The following MYH3 variants were observed in gnomAD, a reference collection of about 807,000 sequenced individuals.
The protein encoded by MYH3 is myosin heavy chain 3, also known as myosin-3.
MYH3 carries 130 observed loss-of-function variants against 238.0 expected under a neutral mutation model. The observed-to-expected ratio is 0.55, with a 90% CI of 0.47 to 0.63. The LOEUF (loss-of-function observed/expected upper bound fraction) is 0.63. Ranked by LOEUF, MYH3 falls within the 30% of genes least tolerant of loss-of-function variation. The pLI, the probability that MYH3 is intolerant of heterozygous loss-of-function variation, is 0.00. For synonymous variants in MYH3, 880 were observed against 924.1 expected (o/e 0.95, Z 0.86); for missense variants, 1,853 against 2,374.9 (o/e 0.78, Z 4.57).
In MYH3 at chr17:10,632,528, C is replaced by T. The variant is rs774787864; in HGVS notation, c.4904G>A (p.Arg1635His). ...EIEIQLSHANRQAAETLKHLR... is the reference protein window; with the variant it reads ...EIEIQLSHANHQAAETLKHLR... ...GTGTTTGAGGGTCTCCGCCGCCTGG[C>T]GGTTGGCGTGGCTCAGCTGGATCTC... Residue 1635 changes from arginine (R) to histidine (H), a missense_variant, in exon 34 of 41, where the codon CGC (arginine) becomes CAC (histidine). By Grantham distance (29) the Arg-to-His change is conservative (BLOSUM62 0). Transcript: ENST00000583535. 34 of 1,614,118 alleles carry T rather than the reference C, an allele frequency of 2.1e-5. No individual in the cohort carries two copies. The highest frequency in any genetic ancestry group is 2.8e-5 in the Non-Finnish European group (33 of 1,180,040).
At chr17:10,650,956 T>C in intron 5 of MYH3, among the ~76,000 whole-genome samples, 1 of 151,920 alleles carries the variant, frequency 6.6e-6, no homozygotes, top group East Asian at 1.9e-4. Flanking sequence ...TGGGAGGCTG[T>C]GGCAGGCAGA....
chr17:10,628,912 TG>T (rs1280032362), intron 40 of MYH3, among the ~76,000 whole-genome samples: 1 of 152,244 alleles, frequency 6.6e-6, no homozygotes, highest in East Asian at 1.9e-4. Context: ...TACTGTCGGA[TG>T]CTGTGTGTTC....
At chr17:10,667,114 G>C in the MYH3 span, among the ~76,000 whole-genome samples, 3 of 152,192 alleles carry the variant, frequency 2.0e-5, no homozygotes, top group Non-Finnish European at 4.4e-5. Context: ...ACACTTTTCT[G>C]GTGGGTGGAA....
rs2074286005 is a variant in MYH3 at position 10,642,844 on chromosome 17, G to C, written c.1563C>G (p.Cys521Trp). The change falls in exon 15 of 41, where the codon TGC becomes TGG. Residue 521 changes from cysteine (C) to tryptophan (W), a missense_variant. Cys to Trp is a radical substitution (Grantham distance 215). Coordinates refer to ENST00000583535, the MANE Select transcript of MYH3 (RefSeq NM_002470.4). The surrounding 1 kb of genome is among the most constrained non-coding windows in gnomAD (Gnocchi z 5.4). ...TGGATACCTTCTCGATGAGCTCGAT[G>C]CAGGCAGCCAGGTCCATCCCGAAGT... ...FIDFGMDLAA[C>W]IELIEKPMGI... 6.2e-7 allele frequency: 1 copy of C among 1,614,026 alleles called. No homozygotes were observed. Among genetic ancestry groups the C allele is most frequent in the Non-Finnish European group, 8.5e-7 (1 of 1,180,006 alleles).
intron 5 of MYH3, 67 bp downstream of exon 5, chr17:10,651,445 G>A (rs886195664): frequency 1.9e-6 from 3 of 1,610,598 alleles, no homozygotes; most frequent in Middle Eastern, 4.5e-4. Context: ...TGGGAGTAAG[G>A]GGCAACTGCC....
chr17:10,639,524 A>G (rs746689779), intron 23 of MYH3, 36 bp downstream of exon 23: 1 of 1,614,050 alleles, frequency 6.2e-7, no homozygotes, highest in South Asian at 1.1e-5. Flanking sequence ...GTTTGCAATG[A>G]CTATATCAAG....
In MYH3 at chr17:10,654,923, C is replaced by T; in HGVS notation, c.142G>A (p.Ala48Thr). 1 of 1,614,220 alleles carries T rather than the reference C, an allele frequency of 6.2e-7. No homozygotes were observed. The highest frequency in any genetic ancestry group is 1.6e-4 in the Middle Eastern group (1 of 6,062). The change falls in exon 3 of 41, where the codon GCC becomes ACC. Residue 48 changes from alanine (A) to threonine (T), a missense_variant. Ala to Thr is a moderately conservative substitution (Grantham distance 58). Coordinates refer to ENST00000583535, the MANE Select transcript of MYH3 (RefSeq NM_002470.4). The surrounding 1 kb of genome is among the most constrained non-coding windows in gnomAD (Gnocchi z 4.5). ...CFVVDSKEEY[A>T]KGKIKSSQDG... ...TGAGAACTCTTGATTTTCCCCTTGG[C>T]ATATTCTTCCTTTGAGTCCACCACG... is the stretch of plus-strand genomic sequence containing the variant.
intron 34 of MYH3, 76 bp downstream of exon 34, chr17:10,632,400 T>A (rs557070646): frequency 1.3e-6 from 2 of 1,509,012 alleles, no homozygotes; most frequent in South Asian, 2.3e-5. Flanking sequence ...ACTACAGGCG[T>A]GCACCACTGT....
intron 26 of MYH3, 143 bp downstream of exon 26, chr17:10,638,730 G>T: frequency 1.2e-6 from 1 of 843,608 alleles, no homozygotes; most frequent in Non-Finnish European, 1.9e-6. Context: ...GTTCATCATG[G>T]CCAGGCCAGC....
the MYH3 span, chr17:10,673,813 CGCTT>C: frequency 2.0e-5 from 3 of 152,168 alleles, no homozygotes; most frequent in African/African-American, 7.2e-5. Context: ...GATGGAGAAA[CGCTT>C]GGTATACTGT....
chr17:10,638,310 C>A lies in MYH3; in HGVS notation c.3462G>T (p.Ala1154=). The A allele has an allele frequency of 6.2e-7, 1 of 1,613,096 alleles. No homozygotes were observed. Among genetic ancestry groups the A allele is most frequent in the African/African-American group, 1.3e-5 (1 of 75,018 alleles). ...LEELSERLEE[A]GGVTSTQIEL... ...CTATCTGCGTGGAGGTGACGCCTCCCGCCTCCTCCAGCCGCTCGCTCAGCT... is the reference window on the plus strand; with the variant it reads ...CTATCTGCGTGGAGGTGACGCCTCCAGCCTCCTCCAGCCGCTCGCTCAGCT... Residue 1154 remains alanine (A), a synonymous_variant, in exon 27 of 41, where the codon GCG becomes GCT. Coordinates refer to ENST00000583535, the MANE Select transcript of MYH3 (RefSeq NM_002470.4).
upstream of MYH3, among the ~76,000 whole-genome samples, chr17:10,660,591 G>A (rs990951196): frequency 9.9e-5 from 15 of 151,798 alleles, no homozygotes; most frequent in African/African-American, 2.7e-4. Context: ...GCAAGAGAAT[G>A]GTGTGAACCT....
chr17:10,628,543 CAA>C lies in MYH3; in HGVS notation c.*108_*109del, dbSNP rs1325791130. On this transcript the variant is annotated 3_prime_UTR_variant, in exon 41 of 41. Transcript: ENST00000583535. ...AAAGCGGCCCCAGATTGAAACAAAG[CAA>C]AGTTTATTGCATGTGAAAAAGAGTC... 3 of 1,298,436 alleles carry C rather than the reference CAA, an allele frequency of 2.3e-6. No homozygotes were observed. Among genetic ancestry groups the C allele is most frequent in the Non-Finnish European group, 2.2e-6 (2 of 893,794 alleles). The allele number at this position is 1,298,436 out of a possible 1,614,324, so 80.4% of individuals were successfully genotyped here.
At position 10,635,411 on chromosome 17, in the gene MYH3, G is replaced by C. The variant is rs112569418; in HGVS notation, c.4128C>G (p.Tyr1376Ter). 1.2e-6 allele frequency: 2 copies of C among 1,614,022 alleles called. No homozygotes were observed. The highest frequency in any genetic ancestry group is 4.5e-5 in the East Asian group (2 of 44,892). The change falls in exon 30 of 41, where the codon TAC (tyrosine) becomes TAG (stop). Residue 1376 changes from tyrosine (Y) to a stop codon, truncating the protein, a stop_gained. Coordinates refer to ENST00000583535, the MANE Select transcript of MYH3 (RefSeq NM_002470.4). LOFTEE classifies it high-confidence loss of function. ...NSEVAQWRTK[Y>*]ETDAIQRTEE... The stretch of plus-strand genomic sequence containing the variant: ...CTGTGCGCTGGATGGCGTCCGTCTC[G>C]TATTTGGTTCTCCACTGGGCAACCT...
In MYH3 at chr17:10,634,076, G is replaced by A; in HGVS notation, c.4463C>T (p.Ala1488Val). Reference protein sequence around the residue: ...LSTELFKLKNAYEEALDQLET... With the variant: ...LSTELFKLKNVYEEALDQLET... ...AAGTTGATCTAAGGCTTCCTCGTAG[G>A]CATTTTTCAGTTTGAAGAGCTCAGT... Residue 1488 changes from alanine (A) to valine (V), a missense_variant, in exon 32 of 41, where the codon GCC becomes GTC. Coordinates refer to ENST00000583535, the MANE Select transcript of MYH3 (RefSeq NM_002470.4). The A allele has an allele frequency of 6.2e-7, 1 of 1,614,122 alleles. No homozygotes were observed. The highest frequency in any genetic ancestry group is 8.5e-7 in the Non-Finnish European group (1 of 1,180,004).
At chr17:10,650,150 T>G (rs1466548343) in intron 6 of MYH3, among the ~76,000 whole-genome samples, 1 of 151,726 alleles carries the variant, frequency 6.6e-6, no homozygotes, top group Non-Finnish European at 1.5e-5. Flanking sequence ...TTTTTTGTAT[T>G]TTTTTTAGTA....
rs779752455 is a variant in MYH3, at chr17:10,642,339, G to A, written c.1889-29C>T. On this transcript the variant is annotated intron_variant, in intron 16 of 40. Transcript: ENST00000583535. This position sits in a 1 kb window ranked among gnomAD's most constrained non-coding sequence, Gnocchi z 5.4. ...AAAGCAATAAGGGAGGGCACGTGCTGTAGGTGAATCTAAAAGGTTTTTTGT... is the reference window on the plus strand; with the variant it reads ...AAAGCAATAAGGGAGGGCACGTGCTATAGGTGAATCTAAAAGGTTTTTTGT... 16 of 1,613,834 alleles carry A rather than the reference G, an allele frequency of 9.9e-6. No individual in the cohort carries two copies. Among genetic ancestry groups the A allele is most frequent in the Non-Finnish European group, 1.1e-5 (13 of 1,179,700 alleles).
chr17:10,651,745 T>G, intron 4 of MYH3, 77 bp from the exon 5 acceptor site: 1 of 1,278,636 alleles, frequency 7.8e-7, no homozygotes, highest in Non-Finnish European at 1.1e-6. Flanking sequence ...ATTATTATTA[T>G]TGTTTTTTTT....
intron 1 of MYH3, among the ~76,000 whole-genome samples, chr17:10,656,537 C>CAAAAAAAAAA (rs71139057): frequency 1.6e-4 from 9 of 55,900 alleles, no homozygotes; most frequent in African/African-American, 4.4e-4. Flanking sequence ...AATTCTGTCT[C>CAAAAAAAAAA]AAAAAAAAAA....
Sources: gnomAD v4.1 joint callset for allele counts (sites outside exome capture counted in the v4.1 genomes callset) on GRCh38, gnomAD v4.1.1 for gene constraint, Gnocchi (gnomAD v3.1) non-coding constraint, MANE v1.5 for transcripts, NCBI Gene and HGNC (gene_info 2026-07-23, HGNC 2026-07-21) for gene names.